Variants in PKHD1 observed in about 807,000 individuals in gnomAD.
PKHD1 encodes the protein PKHD1 ciliary IPT domain containing fibrocystin/polyductin, also known as fibrocystin.
A neutral mutation model predicts 412.0 loss-of-function variants in PKHD1; 291 were observed. The ratio of observed to expected loss-of-function variants is 0.71; its 90% CI spans 0.64 to 0.78. The LOEUF (loss-of-function observed/expected upper bound fraction) is 0.78. PKHD1 is among the 30% of genes least tolerant of loss of function. The pLI, the probability that PKHD1 is intolerant of heterozygous loss-of-function variation, is 0.00. For missense variants in PKHD1, 4,825 were observed against 4,950.7 expected, an observed-to-expected ratio of 0.97 and a Z score of 0.76; for synonymous variants, 1,777 against 1,821.5, an observed-to-expected ratio of 0.98 and a Z score of 0.62.
chr6:51,742,421 T>C lies in PKHD1; in HGVS notation c.10156+1964A>G, dbSNP rs192539644. Among the ~76,000 whole-genome samples, 4 of 152,308 alleles carry C rather than the reference T, an allele frequency of 2.6e-5. No individual in the cohort carries two copies. The South Asian group carries it at 8.3e-4, about 32-fold the overall frequency. ...TTTTATGGTAATTAAAAGAATCATATGTAGAAACAGCTCCAAATGTCAAAT... is the reference window on the plus strand; with the variant it reads ...TTTTATGGTAATTAAAAGAATCATACGTAGAAACAGCTCCAAATGTCAAAT... On this transcript the variant is annotated intron_variant, in intron 60 of 66. Coordinates refer to ENST00000371117, the MANE Select transcript of PKHD1 (RefSeq NM_138694.4).
chr6:51,953,502 CATTGG>C (rs1025732692), intron 36 of PKHD1, among the ~76,000 whole-genome samples: 1 of 151,702 alleles, frequency 6.6e-6, no homozygotes, highest in African/African-American at 2.4e-5. Flanking sequence ...TAGATAACTG[CATTGG>C]AAAGCATTAT....
intron 60 of PKHD1, among the ~76,000 whole-genome samples, chr6:51,712,354 G>A (rs961390261): frequency 6.6e-6 from 1 of 152,094 alleles, no homozygotes; most frequent in Non-Finnish European, 1.5e-5. Flanking sequence ...AAGATTTGGA[G>A]GGTCAGAAGT....
chr6:52,086,490 T>C (rs1461307701), intron 1 of PKHD1, among the ~76,000 whole-genome samples: 1 of 152,010 alleles, frequency 6.6e-6, no homozygotes, highest in Non-Finnish European at 1.5e-5. Context: ...AGCTACAATA[T>C]ACTCCCCCCC....
intron 36 of PKHD1, among the ~76,000 whole-genome samples, chr6:51,947,892 A>G (rs1437371803): frequency 1.3e-5 from 2 of 152,136 alleles, no homozygotes; most frequent in Non-Finnish European, 2.9e-5. Flanking sequence ...ATGAGTATCC[A>G]TGAACTCCTT....
At chr6:51,950,220 A>AAAAAAAAAAAAAAAAAAAAATATATATAT in intron 36 of PKHD1, among the ~76,000 whole-genome samples, 1 of 98,300 alleles carries the variant, frequency 1.0e-5, no homozygotes, top group African/African-American at 3.8e-5. Flanking sequence ...GAAAAAAAAA[A>AAAAAAAAAAAAAAAAAAAAATATATATAT]ATATATATAT....
chr6:51,668,673 G>T (rs1282097667), intron 60 of PKHD1, among the ~76,000 whole-genome samples: 3 of 152,288 alleles, frequency 2.0e-5, no homozygotes, highest in African/African-American at 7.2e-5. Context: ...TATGATATTG[G>T]CTGTGGGTTT....
intron 66 of PKHD1, among the ~76,000 whole-genome samples, chr6:51,621,570 A>C (rs570660396): frequency 3.5e-4 from 53 of 152,308 alleles, no homozygotes; most frequent in Admixed American, 1.2e-3. Context: ...TATTCATGAA[A>C]GACTAACACA....
chr6:51,657,318 T>C (rs959070628), intron 61 of PKHD1, among the ~76,000 whole-genome samples: 5 of 152,024 alleles, frequency 3.3e-5, no homozygotes, highest in African/African-American at 7.2e-5. Flanking sequence ...TGGTTTTTTA[T>C]CATACTGTGC....
chr6:51,852,770 C>T (rs183724338), intron 49 of PKHD1, among the ~76,000 whole-genome samples: 2,176 of 148,556 alleles, frequency 0.015, 29 homozygotes, highest in Non-Finnish European at 0.022. Context: ...GGTAAGTTTT[C>T]CTCCATCCCT....
chr6:51,694,302 C>A (rs541167012), intron 60 of PKHD1, among the ~76,000 whole-genome samples: 1 of 152,198 alleles, frequency 6.6e-6, no homozygotes, highest in African/African-American at 2.4e-5. Context: ...CACACCTCCA[C>A]CACACCAGCA....
intron 60 of PKHD1, among the ~76,000 whole-genome samples, chr6:51,683,390 A>C (rs1776967699): frequency 6.6e-6 from 1 of 152,102 alleles, no homozygotes; most frequent in African/African-American, 2.4e-5. Context: ...ACTTTGAGGC[A>C]AAGTAGTGGC....
chr6:51,683,778 T>C (rs536589889), intron 60 of PKHD1, among the ~76,000 whole-genome samples: 6 of 152,252 alleles, frequency 3.9e-5, no homozygotes, highest in Non-Finnish European at 8.8e-5. Flanking sequence ...ATTGATTTTA[T>C]ACTATTTATT....
chr6:51,627,759 G>A (rs1049334466), intron 65 of PKHD1, among the ~76,000 whole-genome samples: 13 of 152,044 alleles, frequency 8.6e-5, no homozygotes, highest in African/African-American at 2.9e-4. Flanking sequence ...GCCACCATAC[G>A]CAAGATGAGG....
At chr6:51,826,746 A>G (rs1464992395) in intron 52 of PKHD1, among the ~76,000 whole-genome samples, 1 of 152,182 alleles carries the variant, frequency 6.6e-6, no homozygotes, top group Non-Finnish European at 1.5e-5. Flanking sequence ...ATAATACCAC[A>G]GAGAAGAATT....
At chr6:51,856,572 G>A (rs1489281383) in intron 48 of PKHD1, among the ~76,000 whole-genome samples, 1 of 152,208 alleles carries the variant, frequency 6.6e-6, no homozygotes, top group Non-Finnish European at 1.5e-5. Flanking sequence ...ATATTCACAT[G>A]AGGAACAATT....
chr6:51,766,432 C>A (rs1789022782), intron 55 of PKHD1, among the ~76,000 whole-genome samples: 1 of 152,010 alleles, frequency 6.6e-6, no homozygotes, highest in African/African-American at 2.4e-5. Flanking sequence ...ATTTTGTCAA[C>A]TTGGAATTCA....
chr6:51,960,986 C>T (rs1791944312), intron 35 of PKHD1, among the ~76,000 whole-genome samples: 1 of 152,024 alleles, frequency 6.6e-6, no homozygotes, highest in South Asian at 2.1e-4. Context: ...ATAATAAAAT[C>T]ACAATAGAGA....
rs140629050 is a variant in PKHD1 at position 52,060,522 on chromosome 6, G to T, written c.1119-480C>A. 5.1e-3 allele frequency among the ~76,000 whole-genome samples: 778 copies of T among 152,232 alleles called. 6 individuals are homozygous for T. Among genetic ancestry groups the T allele is most frequent in the African/African-American group, 0.018 (736 of 41,524 alleles). On this transcript the variant is annotated intron_variant, in intron 14 of 66. Coordinates refer to ENST00000371117, the MANE Select transcript of PKHD1 (RefSeq NM_138694.4). ...CCACAGATAAGCGTCAATTCAAAAT[G>T]TCAACAATTTCAAATTAAAACCCAT...
intron 43 of PKHD1, among the ~76,000 whole-genome samples, chr6:51,887,598 G>A (rs1778424431): frequency 6.6e-6 from 1 of 152,090 alleles, no homozygotes; most frequent in Non-Finnish European, 1.5e-5. Flanking sequence ...ATGAGATCTG[G>A]TAGTTTAAAA....
Sources: allele counts gnomAD v4.1 joint callset (sites outside exome capture counted in the v4.1 genomes callset), GRCh38; gene constraint gnomAD v4.1.1; transcripts MANE v1.5; gene names NCBI Gene and HGNC (gene_info 2026-07-23, HGNC 2026-07-21).